The following ZNF726 variants were observed in gnomAD, a reference collection of about 807,000 sequenced individuals.
ZNF726 encodes the protein zinc finger protein 726.
Under a neutral mutation model 11.6 loss-of-function variants are expected in ZNF726, and 15 were observed. The ratio of observed to expected loss-of-function variants is 1.29; its 90% CI spans 0.86 to 1.99. The LOEUF (loss-of-function observed/expected upper bound fraction) is 1.99. Among genes scored for constraint, ZNF726 ranks in the 30% most tolerant of loss-of-function variants. The pLI, the probability that ZNF726 is intolerant of heterozygous loss-of-function variation, is 0.00. For synonymous variants in ZNF726, 295 were observed against 243.6 expected (o/e 1.21, Z -1.96); for missense variants, 890 against 725.6 (o/e 1.23, Z -2.60).
chr19:23,925,911 T>A (rs1967975883), intron 3 of ZNF726, among the ~76,000 whole-genome samples: 1 of 152,018 alleles, frequency 6.6e-6, no homozygotes, highest in East Asian at 2.0e-4. Context: ...GAGACAGAGT[T>A]TCACCATGTT....
downstream of ZNF726, among the ~76,000 whole-genome samples, chr19:23,935,041 C>G (rs979460501): frequency 1.3e-5 from 2 of 152,204 alleles, no homozygotes; most frequent in Admixed American, 1.3e-4. Context: ...GAGGCATAGA[C>G]TATAGAAGTC....
At chr19:23,916,072 C>T (rs1967690966) in intron 1 of ZNF726, among the ~76,000 whole-genome samples, 3 of 152,106 alleles carry the variant, frequency 2.0e-5, no homozygotes, top group Admixed American at 2.0e-4. Context: ...CCACCTCAAT[C>T]TAATTTCCTG....
In ZNF726 at chr19:23,914,953, C is replaced by T. The variant is rs768949493; in HGVS notation, c.-42C>T. On this transcript the variant is annotated 5_prime_UTR_variant, in exon 1 of 4. Transcript: ENST00000594466. ...TCTGTGTCTTCTGCTTTTAGGGGCG[C>T]AGCCTCTGTGGCCCTGTGACCTGCC... 4.3e-6 allele frequency: 7 copies of T among 1,613,082 alleles called. No individual in the cohort carries two copies. In the African/African-American group the frequency reaches 8.0e-5, roughly 18 times the overall value.
At chr19:23,937,968 A>G (rs1261542460), downstream of ZNF726, among the ~76,000 whole-genome samples, 2 of 152,218 alleles carry the variant, frequency 1.3e-5, no homozygotes, top group African/African-American at 4.8e-5. Flanking sequence ...TAACTTTTCA[A>G]TTCAGCATTT....
chr19:23,917,422 G>T lies in ZNF726; in HGVS notation c.4-1951G>T, dbSNP rs147307782. Among the ~76,000 whole-genome samples the T allele has an allele frequency of 9.2e-5, 14 of 151,798 alleles. 1 individual carries two copies. The East Asian group carries it at 2.7e-3, about 29-fold the overall frequency. On this transcript the variant is annotated intron_variant, in intron 1 of 3. Coordinates refer to ENST00000594466, the MANE Select transcript of ZNF726 (RefSeq NM_001244038.2). ...AGTTTAGAAATTTTCTCAGGCATGT[G>T]CTTTTATGGCTGAGTGATTTCATAC...
At chr19:23,922,216 C>G (rs1568375640) in intron 3 of ZNF726, among the ~76,000 whole-genome samples, 3 of 152,220 alleles carry the variant, frequency 2.0e-5, no homozygotes, top group Non-Finnish European at 2.9e-5. Flanking sequence ...AGGGCAGACC[C>G]AAGGGCAGGT....
At chr19:23,923,081 C>T (rs1326019263) in intron 3 of ZNF726, among the ~76,000 whole-genome samples, 1 of 151,752 alleles carries the variant, frequency 6.6e-6, no homozygotes, top group Non-Finnish European at 1.5e-5. Flanking sequence ...CGCAGGCAGG[C>T]AAAAAGGAAT....
intron 3 of ZNF726, among the ~76,000 whole-genome samples, chr19:23,939,862 A>ATTGTTTTTTTTT (rs1968308844): frequency 1.1e-5 from 1 of 87,154 alleles, no homozygotes; most frequent in Non-Finnish European, 2.2e-5. Context: ...TTTTGATGGG[A>ATTGTTTTTTTTT]TTTTTTTTTT....
At chr19:23,940,124 T>C (rs1418993822) in intron 3 of ZNF726, among the ~76,000 whole-genome samples, 1 of 152,178 alleles carries the variant, frequency 6.6e-6, no homozygotes, top group Non-Finnish European at 1.5e-5. Context: ...TCCAAGGTTA[T>C]CATGCAAAAT....
In ZNF726 at chr19:23,933,521, A is replaced by G. The variant is rs1344424782; in HGVS notation, c.1405A>G (p.Thr469Ala). ...AGCATTTAGCCGATCCTCAGCCCTA[A>G]CTACACATAAGAGGATGCACACTGG... ...SKAFSRSSAL[T>A]THKRMHTGEK... Residue 469 changes from threonine (T) to alanine (A), a missense_variant, in exon 4 of 4, where the codon ACT becomes GCT. Thr to Ala is a moderately conservative substitution (Grantham distance 58, BLOSUM62 0). Transcript: ENST00000594466. 2 of 1,612,752 alleles carry G rather than the reference A, an allele frequency of 1.2e-6. No homozygotes were observed. Among genetic ancestry groups the G allele is most frequent in the Admixed American group, 1.7e-5 (1 of 60,002 alleles).
At chr19:23,930,733 G>T (rs563900192) in intron 3 of ZNF726, among the ~76,000 whole-genome samples, 1 of 151,956 alleles carries the variant, frequency 6.6e-6, no homozygotes. Flanking sequence ...TGTAATTTTT[G>T]TGTGGTAGAA....
chr19:23,933,668 T>G lies in ZNF726; in HGVS notation c.1552T>G (p.Phe518Val). 1 of 1,612,476 alleles carries G rather than the reference T, an allele frequency of 6.2e-7. No individual in the cohort carries two copies. The highest frequency in any genetic ancestry group is 1.3e-5 in the African/African-American group (1 of 74,990). The change falls in exon 4 of 4, where the codon TTT (phenylalanine) becomes GTT (valine). Residue 518 changes from phenylalanine (F) to valine (V), a missense_variant. Phe to Val is a conservative substitution (Grantham distance 50, BLOSUM62 -1). Transcript: ENST00000594466. The stretch of plus-strand genomic sequence containing the variant: ...CAAATGTGAAGAATGTGGCAAAGCA[T>G]TTATATTGTCCTCGACCCTATCTAA... ...PYKCEECGKAFILSSTLSKHK... is the reference protein window; with the variant it reads ...PYKCEECGKAVILSSTLSKHK...
At chr19:23,925,267 CTT>C (rs775421283) in intron 3 of ZNF726, among the ~76,000 whole-genome samples, 6 of 152,050 alleles carry the variant, frequency 3.9e-5, no homozygotes, top group Non-Finnish European at 5.9e-5. Flanking sequence ...AATGGAATCA[CTT>C]TATTTAATAA....
In ZNF726 at chr19:23,932,689, T is replaced by C. The variant is rs1239665080; in HGVS notation, c.573T>C (p.His191=). 2 of 1,594,328 alleles carry C rather than the reference T, an allele frequency of 1.3e-6. No individual in the cohort carries two copies. Among genetic ancestry groups the C allele is most frequent in the Non-Finnish European group, 1.7e-6 (2 of 1,174,302 alleles). Residue 191 remains histidine (H), a synonymous_variant, in exon 4 of 4, where the codon CAT becomes CAC. Coordinates refer to ENST00000594466, the MANE Select transcript of ZNF726 (RefSeq NM_001244038.2). ...GCATGTTTTCACACAAAACCCAGCA[T>C]AAAAGCATATATACTACAGAGAAGT... The part of the protein sequence containing the change: ...SFCMFSHKTQ[H]KSIYTTEKSY...
At chr19:23,939,130 T>TC (rs1213125151), downstream of ZNF726, among the ~76,000 whole-genome samples, 12 of 149,566 alleles carry the variant, frequency 8.0e-5, no homozygotes, top group African/African-American at 1.2e-4. Context: ...TTCCCACTCT[T>TC]CCCCCCCAAG....
intron 1 of ZNF726, among the ~76,000 whole-genome samples, chr19:23,917,214 G>C (rs557816642): frequency 6.6e-6 from 1 of 152,184 alleles, no homozygotes; most frequent in South Asian, 2.1e-4. Flanking sequence ...GCCTCCCAAA[G>C]TGCTGTGATT....
At position 23,933,645 on chromosome 19, in the gene ZNF726, A is replaced by G. The variant is rs1163163906; in HGVS notation, c.1529A>G (p.Lys510Arg). 3.7e-6 allele frequency: 6 copies of G among 1,612,522 alleles called. No homozygotes were observed. Among genetic ancestry groups the G allele is most frequent in the East Asian group, 2.2e-5 (1 of 44,856 alleles). The change falls in exon 4 of 4, where the codon AAA (lysine) becomes AGA (arginine). Residue 510 changes from lysine to arginine, a missense_variant. By Grantham distance (26) the Lys-to-Arg change is conservative. Coordinates refer to ENST00000594466, the MANE Select transcript of ZNF726 (RefSeq NM_001244038.2). ...ATTCATACTGGAGAGAAACCCTACAAATGTGAAGAATGTGGCAAAGCATTT... is the reference window on the plus strand; with the variant it reads ...ATTCATACTGGAGAGAAACCCTACAGATGTGAAGAATGTGGCAAAGCATTT... ...KIIHTGEKPY[K>R]CEECGKAFIL...
intron 3 of ZNF726, chr19:23,920,285 A>G (rs554992195): frequency 1.0e-4 from 38 of 362,588 alleles, no homozygotes; most frequent in African/African-American, 3.0e-4. Flanking sequence ...TCTCCCTTCA[A>G]TGATCTTCCT....
chr19:23,930,610 T>A (rs1036225903), intron 3 of ZNF726, among the ~76,000 whole-genome samples: 2 of 152,308 alleles, frequency 1.3e-5, no homozygotes, highest in South Asian at 2.1e-4. Context: ...TGTATTTTTT[T>A]AATAACGTGT....
Sources: allele counts gnomAD v4.1 joint callset (sites outside exome capture counted in the v4.1 genomes callset), GRCh38; gene constraint gnomAD v4.1.1; transcripts MANE v1.5; gene names NCBI Gene and HGNC (gene_info 2026-07-23, HGNC 2026-07-21).